MOG: variants seen among roughly 807,000 people sequenced by gnomAD.
The protein encoded by MOG is myelin-oligodendrocyte glycoprotein.
A neutral mutation model predicts 35.9 loss-of-function variants in MOG; 20 were observed. The observed-to-expected ratio is 0.56, with a 90% CI of 0.39 to 0.81. The LOEUF (loss-of-function observed/expected upper bound fraction) is 0.81. MOG is among the 30% of genes least tolerant of loss of function. MOG has a pLI of 0.00. For synonymous variants in MOG, 92 were observed against 114.3 expected (o/e 0.80, Z 1.25); for missense variants, 251 against 301.0 (o/e 0.83, Z 1.23).
At chr6:29,658,642 C>T (rs1767720110) in intron 1 of MOG, among the ~76,000 whole-genome samples, 1 of 152,202 alleles carries the variant, frequency 6.6e-6, no homozygotes, top group African/African-American at 2.4e-5. Flanking sequence ...GATTCAACCT[C>T]AAGATGCTGT....
In MOG at chr6:29,670,223, T is replaced by G; in HGVS notation, c.593-58T>G. 2 of 1,614,184 alleles carry G rather than the reference T, an allele frequency of 1.2e-6. No homozygotes were observed. The highest frequency in any genetic ancestry group is 1.7e-6 in the Non-Finnish European group (2 of 1,180,018). ...AGGTTAAGGAACCAAAAAAGACAGG[T>G]GGGTGGGGCATGAGGGGGAACACAT... On this transcript the variant is annotated intron_variant, in intron 5 of 7. Coordinates refer to ENST00000376917, the MANE Select transcript of MOG (RefSeq NM_206809.4). This position sits in a 1 kb window ranked among gnomAD's most constrained non-coding sequence, Gnocchi z 4.2.
In MOG at chr6:29,670,355, G is replaced by A. The variant is rs1297006337; in HGVS notation, c.667G>A (p.Ala223Thr). 3 of 1,614,066 alleles carry A rather than the reference G, an allele frequency of 1.9e-6. No homozygotes were observed. The African/African-American group carries it at 4.0e-5, about 22-fold the overall frequency. ...TGTGCCGGTTCTTGGACCCTTGGTT[G>A]CCTTGATCATCTGCTACAACTGGCT... ...VIVPVLGPLV[A>T]LIICYNWLHR... Residue 223 changes from alanine (A) to threonine (T), a missense_variant, in exon 6 of 8, where the codon GCC (alanine) becomes ACC (threonine). Coordinates refer to ENST00000376917, the MANE Select transcript of MOG (RefSeq NM_206809.4). This position sits in a 1 kb window ranked among gnomAD's most constrained non-coding sequence, Gnocchi z 4.2.
intron 1 of MOG, among the ~76,000 whole-genome samples, 192 bp downstream of exon 1, chr6:29,657,489 CTT>C (rs879256529): frequency 3.5e-5 from 5 of 143,972 alleles, no homozygotes; most frequent in Admixed American, 1.4e-4. Flanking sequence ...AGTCCAGACT[CTT>C]TTTTTTTTTT....
chr6:29,669,750 G>C (rs562990269), intron 5 of MOG, among the ~76,000 whole-genome samples: 1 of 152,272 alleles, frequency 6.6e-6, no homozygotes, highest in Admixed American at 6.5e-5. Context: ...GGTTTGTTTT[G>C]TTTTTTCCAA....
rs1351115211 is a variant in MOG, at chr6:29,659,524, A to G, written c.294A>G (p.Thr98=). 6.2e-7 allele frequency: 1 copy of G among 1,613,146 alleles called. No homozygotes were observed. The highest frequency in any genetic ancestry group is 8.5e-7 in the Non-Finnish European group (1 of 1,180,048). ...AGGCACCTGAATATCGGGGCCGGAC[A>G]GAGCTGCTGAAAGATGCTATTGGTG... ...GDQAPEYRGR[T]ELLKDAIGEG... Residue 98 remains threonine (T), a synonymous_variant, in exon 2 of 8, where the codon ACA becomes ACG. Coordinates refer to ENST00000376917, the MANE Select transcript of MOG (RefSeq NM_206809.4).
rs891793018 is a variant in MOG, at chr6:29,659,661, T to C, written c.431T>C (p.Val144Ala). Residue 144 changes from valine to alanine, a missense_variant, in exon 2 of 8, where the codon GTA (valine) becomes GCA (alanine). Transcript: ENST00000376917. ...GAGGAGGCAGCAATGGAATTGAAAGTAGAAGGTGAGTAGTGCCATATAATA... is the reference window on the plus strand; with the variant it reads ...GAGGAGGCAGCAATGGAATTGAAAGCAGAAGGTGAGTAGTGCCATATAATA... ...YQEEAAMELK[V>A]EDPFYWVSPG... The C allele has an allele frequency of 1.9e-6, 3 of 1,612,466 alleles. No homozygotes were observed. Among genetic ancestry groups the C allele is most frequent in the Non-Finnish European group, 2.5e-6 (3 of 1,179,588 alleles).
chr6:29,671,452 G>A lies in MOG; in HGVS notation c.*267G>A, dbSNP rs746457734. 1.3e-6 allele frequency: 2 copies of A among 1,592,632 alleles called. No individual in the cohort carries two copies. The highest frequency in any genetic ancestry group is 1.7e-6 in the Non-Finnish European group (2 of 1,161,716). The stretch of plus-strand genomic sequence containing the variant: ...CACCTGGAAGCCCTCTCTGGCTAAG[G>A]ACAGGCAGGTGCCCCTCTCTCCATC... On this transcript the variant is annotated 3_prime_UTR_variant, in exon 8 of 8. Coordinates refer to ENST00000376917, the MANE Select transcript of MOG (RefSeq NM_206809.4).
chr6:29,659,177 G>A, intron 1 of MOG, 142 bp from the exon 2 acceptor site: 1 of 735,212 alleles, frequency 1.4e-6, no homozygotes, highest in Non-Finnish European at 2.4e-6. Flanking sequence ...AAGAACAATT[G>A]CAATCCTCCC....
Position 29,670,736 on chromosome 6 carries a change from C to G in MOG, c.730+15C>G. The stretch of plus-strand genomic sequence containing the variant: ...TGAAGAGCTACGTAAGTTCTCTTCT[C>G]TCTGTTATAAGCAGAGAATAAAAAG... On this transcript the variant is annotated intron_variant, in intron 7 of 7. Coordinates refer to ENST00000376917, the MANE Select transcript of MOG (RefSeq NM_206809.4). The surrounding 1 kb of genome is among the most constrained non-coding windows in gnomAD (Gnocchi z 4.2). 1.9e-6 allele frequency: 3 copies of G among 1,611,916 alleles called. No individual in the cohort carries two copies. The highest frequency in any genetic ancestry group is 1.7e-6 in the Non-Finnish European group (2 of 1,179,524).
At chr6:29,665,137 C>T (rs1278102225) in intron 2 of MOG, among the ~76,000 whole-genome samples, 2 of 150,570 alleles carry the variant, frequency 1.3e-5, no homozygotes. Context: ...GCTCTTGTTG[C>T]CCAGGCTGGA....
At chr6:29,659,829 G>C (rs1209605972) in intron 2 of MOG, 163 bp downstream of exon 2, 3 of 675,852 alleles carry the variant, frequency 4.4e-6, no homozygotes, top group Non-Finnish European at 7.8e-6. Flanking sequence ...AGGGATGTCT[G>C]TTGCATCATT....
At chr6:29,668,235 G>A (rs1470502186) in intron 5 of MOG, among the ~76,000 whole-genome samples, 2 of 152,144 alleles carry the variant, frequency 1.3e-5, no homozygotes, top group African/African-American at 2.4e-5. Context: ...TCGTTTACAC[G>A]TAAACCTGAT....
intron 2 of MOG, among the ~76,000 whole-genome samples, chr6:29,664,211 T>TTA (rs1769622910): frequency 7.5e-6 from 1 of 133,712 alleles, no homozygotes; most frequent in South Asian, 2.7e-4. Context: ...TATTTATTTA[T>TTA]TTATTTTTTT....
In MOG at chr6:29,670,335, C is replaced by T. The variant is rs1301357435; in HGVS notation, c.647C>T (p.Pro216Leu). Residue 216 changes from proline to leucine, a missense_variant, in exon 6 of 8, where the codon CCG becomes CTG. Physicochemically the swap from Pro to Leu is moderately conservative, Grantham distance 98 (BLOSUM62 -3). Transcript: ENST00000376917. The surrounding 1 kb of genome is among the most constrained non-coding windows in gnomAD (Gnocchi z 4.2). ...AAGATAACCCTGTTTGTAATTGTGC[C>T]GGTTCTTGGACCCTTGGTTGCCTTG... ...CWKITLFVIV[P>L]VLGPLVALII... The T allele has an allele frequency of 3.1e-6, 5 of 1,614,134 alleles. No homozygotes were observed. The highest frequency in any genetic ancestry group is 3.4e-6 in the Non-Finnish European group (4 of 1,180,038).
chr6:29,670,266 TG>T lies in MOG; in HGVS notation c.593-13del. On this transcript the variant is annotated splice_polypyrimidine_tract_variant and intron_variant, in intron 5 of 7. Coordinates refer to ENST00000376917, the MANE Select transcript of MOG (RefSeq NM_206809.4). This position sits in a 1 kb window ranked among gnomAD's most constrained non-coding sequence, Gnocchi z 4.2. ...GAACACATGTTAACCCTGTTTGTTC[TG>T]GTGAACAATTCAGATCCCCACTTTC... The T allele has an allele frequency of 6.2e-7, 1 of 1,614,230 alleles. No individual in the cohort carries two copies. Among genetic ancestry groups the T allele is most frequent in the Non-Finnish European group, 8.5e-7 (1 of 1,180,044 alleles).
At chr6:29,667,956 T>C (rs768958672) in intron 5 of MOG, 32 bp downstream of exon 5, 2 of 1,611,800 alleles carry the variant, frequency 1.2e-6, no homozygotes, top group African/African-American at 1.3e-5. Context: ...CCCTCCCAGG[T>C]CAACTTGGTA....
intron 2 of MOG, among the ~76,000 whole-genome samples, chr6:29,663,187 G>A (rs1333728886): frequency 6.8e-6 from 1 of 147,894 alleles, no homozygotes; most frequent in East Asian, 2.1e-4. Context: ...CAGGAGAATG[G>A]AGTGAACCCG....
intron 2 of MOG, among the ~76,000 whole-genome samples, chr6:29,663,818 A>G (rs768171657): frequency 6.6e-6 from 1 of 152,236 alleles, no homozygotes; most frequent in Non-Finnish European, 1.5e-5. Context: ...AAGTAAAGGT[A>G]GCTGCATTTT....
intron 2 of MOG, chr6:29,661,428 G>A (rs1195254091): frequency 9.1e-6 from 9 of 985,214 alleles, no homozygotes; most frequent in Non-Finnish European, 1.1e-5. Context: ...TTGATAGTGA[G>A]ACCCTCTCCA....
Sources: allele counts gnomAD v4.1 joint callset (sites outside exome capture counted in the v4.1 genomes callset), GRCh38; gene constraint gnomAD v4.1.1; non-coding constraint Gnocchi (gnomAD v3.1); transcripts MANE v1.5; gene names NCBI Gene and HGNC (gene_info 2026-07-23, HGNC 2026-07-21).